PRDM7: variants seen among roughly 807,000 people sequenced by gnomAD.
The protein encoded by PRDM7 is histone-lysine N-methyltransferase PRDM7.
Under a neutral mutation model 64.3 loss-of-function variants are expected in PRDM7, and 52 were observed. The observed-to-expected ratio is 0.81, with a 90% CI of 0.65 to 1.02. The LOEUF is 1.02. PRDM7 is among the 50% of genes least tolerant of loss of function. The pLI, the probability that PRDM7 is intolerant of heterozygous loss-of-function variation, is 0.00. For missense variants in PRDM7, 574 were observed against 597.1 expected (o/e 0.96, Z 0.40); for synonymous variants, 192 against 210.1 (o/e 0.91, Z 0.74).
rs759971374 is a variant in PRDM7 at position 90,075,364 on chromosome 16, T to C, written c.180A>G (p.Ala60=). 19 of 1,614,148 alleles carry C rather than the reference T, an allele frequency of 1.2e-5. No individual in the cohort carries two copies. The South Asian group carries it at 2.0e-4, about 17-fold the overall frequency. The change falls in exon 3 of 11, where the codon GCA becomes GCG. Residue 60 remains alanine (A), a synonymous_variant. Coordinates refer to ENST00000449207, the MANE Select transcript of PRDM7 (RefSeq NM_001098173.2). This position sits in a 1 kb window ranked among gnomAD's most constrained non-coding sequence, Gnocchi z 4.3. ...RYRNVKMNYN[A]LITVGLRATR... Reference sequence around the variant, plus strand: ...ACTTCCTGTTACCTACAGTAATCAGTGCATTATAGTTCATTTTCACATTCC... The same window carrying C: ...ACTTCCTGTTACCTACAGTAATCAGCGCATTATAGTTCATTTTCACATTCC...
At chr16:90,060,209 T>A in intron 10 of PRDM7, 132 bp downstream of exon 10, 1 of 1,334,248 alleles carries the variant, frequency 7.5e-7, no homozygotes, top group Non-Finnish European at 1.0e-6. Flanking sequence ...AATCTTTAAT[T>A]TTGGAAGCCA....
chr16:90,058,897 T>C (rs550714385), intron 10 of PRDM7, among the ~76,000 whole-genome samples: 1 of 152,282 alleles, frequency 6.6e-6, no homozygotes, highest in East Asian at 1.9e-4. Flanking sequence ...CTCTGCCACA[T>C]GCTCCCTCCC....
At chr16:90,069,726 G>A (rs1184638462) in intron 4 of PRDM7, among the ~76,000 whole-genome samples, 1 of 151,132 alleles carries the variant, frequency 6.6e-6, no homozygotes, top group Non-Finnish European at 1.5e-5. Flanking sequence ...GGGCAACATA[G>A]TGAGACCTCT....
intron 5 of PRDM7, among the ~76,000 whole-genome samples, chr16:90,065,233 A>T (rs989307296): frequency 2.0e-5 from 3 of 147,586 alleles, no homozygotes; most frequent in African/African-American, 7.7e-5. Flanking sequence ...CTCTACAAAA[A>T]ATACAAAAAA....
Position 90,061,518 on chromosome 16 carries a change from A to C in PRDM7, c.884T>G (p.Ile295Ser), listed in dbSNP as rs777923986. 2 of 1,599,830 alleles carry C rather than the reference A, an allele frequency of 1.3e-6. No homozygotes were observed. The highest frequency in any genetic ancestry group is 2.2e-5 in the South Asian group (2 of 90,782). Reference protein sequence around the residue: ...EAANSGYSWLITKGRNCYEYV... With the variant: ...EAANSGYSWLSTKGRNCYEYV... Reference sequence around the variant, plus strand: ...CTCATAGCAGTTTCTCCCCTTGGTGATCTGAGTTTCAAAAAATAAGGTAAA... The same window carrying C: ...CTCATAGCAGTTTCTCCCCTTGGTGCTCTGAGTTTCAAAAAATAAGGTAAA... Residue 295 changes from isoleucine to serine, a missense_variant and splice_region_variant, in exon 9 of 11, where the codon ATC (isoleucine) becomes AGC (serine). Physicochemically the swap from Ile to Ser is moderately radical, Grantham distance 142 (BLOSUM62 -2). Coordinates refer to ENST00000449207, the MANE Select transcript of PRDM7 (RefSeq NM_001098173.2).
rs367735130 is a variant in PRDM7 at position 90,074,748 on chromosome 16, G to A, written c.301+168C>T. On this transcript the variant is annotated intron_variant, in intron 4 of 10. Transcript: ENST00000449207. The stretch of plus-strand genomic sequence containing the variant: ...CAAAAAATTAGCTGAGTGTGGTGGC[G>A]CATGCCTGTAATCCCAGTTATTTGG... Among the ~76,000 whole-genome samples, 206 of 151,938 alleles carry A rather than the reference G, an allele frequency of 1.4e-3. 1 individual carries two copies. In the South Asian group the frequency reaches 0.018, roughly 13 times the overall value.
chr16:90,075,875 T>G lies in PRDM7; in HGVS notation c.36A>C (p.Glu12Asp). ...TCCGCTCTGTTCTCTCTGTGTCTCC[T>G]TCTGGGCTCTCCTCTTGGGACCTTT... The part of the protein sequence containing the change: ...SPERSQEESP[E>D]GDTERTERKP... The change falls in exon 2 of 11, where the codon GAA becomes GAC. Residue 12 changes from glutamate to aspartate, a missense_variant. By Grantham distance (45) the Glu-to-Asp change is conservative (BLOSUM62 2). Coordinates refer to ENST00000449207, the MANE Select transcript of PRDM7 (RefSeq NM_001098173.2). This position sits in a 1 kb window ranked among gnomAD's most constrained non-coding sequence, Gnocchi z 4.3. 6.2e-7 allele frequency: 1 copy of G among 1,614,074 alleles called. No individual in the cohort carries two copies. The highest frequency in any genetic ancestry group is 8.5e-7 in the Non-Finnish European group (1 of 1,179,988).
intron 1 of PRDM7, 122 bp from the exon 2 acceptor site, chr16:90,076,117 C>T (rs182058254): frequency 2.8e-4 from 172 of 616,236 alleles, no homozygotes; most frequent in African/African-American, 2.8e-3. Flanking sequence ...GGTGAGGTCT[C>T]GAGCACCCCA....
At chr16:90,064,558 C>T (rs1342225080) in intron 5 of PRDM7, among the ~76,000 whole-genome samples, 3 of 150,274 alleles carry the variant, frequency 2.0e-5, no homozygotes, top group South Asian at 2.1e-4. Context: ...GGATTACAGG[C>T]ACGTGCCACC....
chr16:90,065,316 C>A (rs2037853870), intron 5 of PRDM7, among the ~76,000 whole-genome samples: 1 of 146,746 alleles, frequency 6.8e-6, no homozygotes, highest in African/African-American at 2.6e-5. Flanking sequence ...CAACTTGAAC[C>A]CAGGAGGTGG....
At chr16:90,070,382 C>G (rs1167158140) in intron 4 of PRDM7, among the ~76,000 whole-genome samples, 1 of 150,914 alleles carries the variant, frequency 6.6e-6, no homozygotes. Flanking sequence ...CACTTGAGGC[C>G]AGGAGTTTGA....
intron 8 of PRDM7, 71 bp from the exon 9 acceptor site, chr16:90,061,590 C>A: frequency 6.6e-7 from 1 of 1,511,100 alleles, no homozygotes; most frequent in South Asian, 1.1e-5. Context: ...ACTCCACGGT[C>A]ATCAATGGCC....
intron 1 of PRDM7, among the ~76,000 whole-genome samples, chr16:90,076,369 G>A (rs1226522114): frequency 3.3e-5 from 5 of 152,182 alleles, no homozygotes; most frequent in Non-Finnish European, 7.3e-5. Context: ...TCACACTGAG[G>A]AGCAGGGTTC....
rs535272044 is a variant in PRDM7, at chr16:90,073,320, ATTG to A, written c.301+1593_301+1595del. Among the ~76,000 whole-genome samples the A allele has an allele frequency of 1.1e-4, 17 of 152,076 alleles. No homozygotes were observed. In the South Asian group the frequency reaches 3.3e-3, roughly 30 times the overall value. ...AGCTTTTTTGTGGATTTGCAGTTTA[ATTG>A]TTTTCTTTACTTGTTCTGTGATTTA... is the stretch of plus-strand genomic sequence containing the variant. On this transcript the variant is annotated intron_variant, in intron 4 of 10. Coordinates refer to ENST00000449207, the MANE Select transcript of PRDM7 (RefSeq NM_001098173.2).
chr16:90,060,606 C>T lies in PRDM7; in HGVS notation c.968G>A (p.Arg323Gln), dbSNP rs201215666. ...CACCAGGTTCTGCTCTTCATCATCCCGGGCACAGTTCACATACCTGGGGTC... is the reference window on the plus strand; with the variant it reads ...CACCAGGTTCTGCTCTTCATCATCCTGGGCACAGTTCACATACCTGGGGTC... ...ANWMRYVNCARDDEEQNLVAF... is the reference protein window; with the variant it reads ...ANWMRYVNCAQDDEEQNLVAF... Residue 323 changes from arginine (R) to glutamine (Q), a missense_variant, in exon 10 of 11, where the codon CGG becomes CAG. By Grantham distance (43) the Arg-to-Gln change is conservative. Transcript: ENST00000449207. 77 of 1,614,088 alleles carry T rather than the reference C, an allele frequency of 4.8e-5. No homozygotes were observed. The East Asian group carries it at 4.9e-4, about 10-fold the overall frequency.
At chr16:90,061,374 G>T in intron 9 of PRDM7, 78 bp downstream of exon 9, 1 of 1,403,830 alleles carries the variant, frequency 7.1e-7, no homozygotes, top group Non-Finnish European at 1.0e-6. Context: ...ATTGAGGGAG[G>T]CATAATGAGA....
intron 4 of PRDM7, among the ~76,000 whole-genome samples, chr16:90,070,991 T>C (rs1312416200): frequency 6.6e-6 from 1 of 152,246 alleles, no homozygotes; most frequent in Non-Finnish European, 1.5e-5. Context: ...CCTTATCCTG[T>C]TATGATAGCC....
chr16:90,057,646 G>C lies in PRDM7; in HGVS notation c.*643C>G, dbSNP rs116348292. 4,046 of 1,068,424 alleles carry C rather than the reference G, an allele frequency of 3.8e-3. 120 individuals carry two copies. The African/African-American group carries it at 0.061, about 16-fold the overall frequency. The allele number at this position is 1,068,424 out of a possible 1,614,324, so 66.2% of individuals were successfully genotyped here. ...CCGAACACTTACAGAACTATCCCCT[G>C]TTCTTCCTCAACTCTAGTCATGAAA... On this transcript the variant is annotated 3_prime_UTR_variant, in exon 11 of 11. Transcript: ENST00000449207.
intron 4 of PRDM7, among the ~76,000 whole-genome samples, chr16:90,073,172 G>C (rs887773635): frequency 8.5e-5 from 13 of 152,140 alleles, no homozygotes; most frequent in African/African-American, 3.1e-4. Flanking sequence ...CAAAGAAGTA[G>C]ATACATTTTG....
Sources: allele counts gnomAD v4.1 joint callset (sites outside exome capture counted in the v4.1 genomes callset), GRCh38; gene constraint gnomAD v4.1.1; non-coding constraint Gnocchi (gnomAD v3.1); transcripts MANE v1.5; gene names NCBI Gene and HGNC (gene_info 2026-07-23, HGNC 2026-07-21).